The following MCF2L2 variants were observed in gnomAD, a reference collection of about 807,000 sequenced individuals.
MCF2L2 encodes MCF.2 cell line derived transforming sequence-like 2.
MCF2L2 carries 102 observed loss-of-function variants against 150.2 expected under a neutral mutation model. That is an observed-to-expected ratio of 0.68 (90% CI 0.58 to 0.80). MCF2L2 has a LOEUF of 0.80. Among genes scored for constraint, MCF2L2 ranks in the 30% least tolerant of loss-of-function variants. The pLI is 0.00. For synonymous variants in MCF2L2, 465 were observed against 491.3 expected, an observed-to-expected ratio of 0.95 and a Z score of 0.71; for missense variants, 1,256 against 1,372.8, an observed-to-expected ratio of 0.91 and a Z score of 1.34.
At chr3:183,321,943 G>A (rs1250344483) in intron 6 of MCF2L2, among the ~76,000 whole-genome samples, 1 of 152,262 alleles carries the variant, frequency 6.6e-6, no homozygotes, top group Non-Finnish European at 1.5e-5. Context: ...TTTGGTGTCT[G>A]GTGGAGGTCT....
At chr3:183,300,295 G>A in intron 10 of MCF2L2, 99 bp from the exon 11 acceptor site, 1 of 1,082,288 alleles carries the variant, frequency 9.2e-7, no homozygotes, top group Non-Finnish European at 1.3e-6. Flanking sequence ...GGGAGGCTGT[G>A]GAGATGCTAA....
At chr3:183,384,434 A>G (rs949539374) in intron 2 of MCF2L2, among the ~76,000 whole-genome samples, 4 of 152,216 alleles carry the variant, frequency 2.6e-5, no homozygotes, top group Non-Finnish European at 5.9e-5. Flanking sequence ...GACCCTCCCT[A>G]AACTGCTCCT....
intron 15 of MCF2L2, among the ~76,000 whole-genome samples, chr3:183,232,622 ATTTG>A (rs1052101882): frequency 2.0e-5 from 3 of 152,200 alleles, no homozygotes; most frequent in African/African-American, 4.8e-5. Flanking sequence ...CTAGAAAATG[ATTTG>A]TTTTTCTCTC....
chr3:183,418,268 C>G (rs920341028), intron 1 of MCF2L2, among the ~76,000 whole-genome samples: 31 of 152,070 alleles, frequency 2.0e-4, no homozygotes, highest in African/African-American at 7.5e-4. Context: ...GAGGAAACCA[C>G]CCCCATGATC....
chr3:183,312,320 C>A (rs1388426479), intron 7 of MCF2L2, among the ~76,000 whole-genome samples: 1 of 152,212 alleles, frequency 6.6e-6, no homozygotes, highest in African/African-American at 2.4e-5. Context: ...AAGATTCATA[C>A]TTCCAAGCCA....
chr3:183,231,456 C>A (rs886200284), intron 15 of MCF2L2, among the ~76,000 whole-genome samples: 1 of 147,036 alleles, frequency 6.8e-6, no homozygotes, highest in Non-Finnish European at 1.5e-5. Context: ...TCACATCAAG[C>A]TTTCTTTTCC....
intron 3 of MCF2L2, among the ~76,000 whole-genome samples, chr3:183,345,485 C>A (rs565738566): frequency 6.6e-6 from 1 of 152,156 alleles, no homozygotes; most frequent in East Asian, 1.9e-4. Flanking sequence ...CTAAAATCAA[C>A]ACCCTAACAT....
chr3:183,216,110 G>T lies in MCF2L2; in HGVS notation c.2371-16C>A, dbSNP rs1179470372. The stretch of plus-strand genomic sequence containing the variant: ...TTGGCCCATCCTGTGGAAAACAAAT[G>T]CCTTGTTGGAAATCAAAAGTATACC... On this transcript the variant is annotated splice_polypyrimidine_tract_variant and intron_variant, in intron 21 of 29. Coordinates refer to ENST00000328913, the MANE Select transcript of MCF2L2 (RefSeq NM_015078.4). 5 of 1,611,094 alleles carry T rather than the reference G, an allele frequency of 3.1e-6. No homozygotes were observed. Among genetic ancestry groups the T allele is most frequent in the African/African-American group, 2.7e-5 (2 of 74,708 alleles).
At chr3:183,408,625 G>A (rs1357171567) in intron 1 of MCF2L2, among the ~76,000 whole-genome samples, 1 of 152,104 alleles carries the variant, frequency 6.6e-6, no homozygotes, top group Non-Finnish European at 1.5e-5. Context: ...ACAGGCAGAA[G>A]GACCTCTTTC....
intron 3 of MCF2L2, chr3:183,372,694 AAAAG>A (rs199768315): frequency 2.6e-5 from 4 of 152,138 alleles, no homozygotes; most frequent in Non-Finnish European, 5.9e-5. Context: ...TCGGTCTCAA[AAAAG>A]AAAGAAAGAA....
Position 183,178,409 on chromosome 3 carries a change from A to C in MCF2L2, c.*971T>G, listed in dbSNP as rs1721387815. The C allele has an allele frequency of 6.6e-6, 1 of 152,102 alleles. No individual in the cohort carries two copies. 9.4% of individuals were successfully genotyped at this position (152,102 alleles called of 1,614,324 possible). On this transcript the variant is annotated 3_prime_UTR_variant, in exon 30 of 30. Coordinates refer to ENST00000328913, the MANE Select transcript of MCF2L2 (RefSeq NM_015078.4). ...GGCGTGAACCCGGGAGGCGGTTTGC[A>C]GTGAGCCGAGATCACACCACTGCAC...
chr3:183,286,541 C>CT (rs1241159298), intron 14 of MCF2L2, among the ~76,000 whole-genome samples: 27 of 152,124 alleles, frequency 1.8e-4, no homozygotes, highest in Admixed American at 1.2e-3. Flanking sequence ...GAATCTAAAC[C>CT]TTTTTTTTGA....
intron 11 of MCF2L2, chr3:183,298,481 GAAT>G (rs1327337771): frequency 6.6e-6 from 1 of 152,024 alleles, no homozygotes; most frequent in Admixed American, 6.6e-5. Context: ...ACCACATTTA[GAAT>G]AATAAAAAAT....
intron 10 of MCF2L2, among the ~76,000 whole-genome samples, chr3:183,300,772 T>C (rs928338588): frequency 5.3e-5 from 8 of 151,878 alleles, no homozygotes; most frequent in Non-Finnish European, 8.8e-5. Flanking sequence ...ATGCCAGCAC[T>C]TTGGGAGGCC....
chr3:183,420,496 G>T (rs2108632469), intron 1 of MCF2L2, among the ~76,000 whole-genome samples: 1 of 152,290 alleles, frequency 6.6e-6, no homozygotes. Flanking sequence ...TAATTGGGAG[G>T]CTGAGGCAGA....
intron 25 of MCF2L2, 105 bp from the exon 26 acceptor site, chr3:183,195,360 A>G: frequency 4.2e-6 from 3 of 722,662 alleles, no homozygotes; most frequent in Non-Finnish European, 7.1e-6. Context: ...AGAGAATACT[A>G]TAAAAATATA....
chr3:183,422,939 T>G (rs73061166), intron 1 of MCF2L2, among the ~76,000 whole-genome samples: 2,054 of 152,316 alleles, frequency 0.013, 50 homozygotes, highest in African/African-American at 0.047. Flanking sequence ...TGTTTCTTTT[T>G]AAATGTGACA....
chr3:183,200,260 T>C, intron 25 of MCF2L2, among the ~76,000 whole-genome samples: 1 of 152,230 alleles, frequency 6.6e-6, no homozygotes, highest in Non-Finnish European at 1.5e-5. Flanking sequence ...AAAGTGTTCC[T>C]ATTTCTCCAC....
At chr3:183,210,699 G>A (rs1722662515) in intron 22 of MCF2L2, among the ~76,000 whole-genome samples, 2 of 152,160 alleles carry the variant, frequency 1.3e-5, no homozygotes, top group African/African-American at 2.4e-5. Context: ...TGAAGATGGG[G>A]TGACGTGAGT....
Sources: allele counts gnomAD v4.1 joint callset (sites outside exome capture counted in the v4.1 genomes callset), GRCh38; gene constraint gnomAD v4.1.1; transcripts MANE v1.5; gene names NCBI Gene and HGNC (gene_info 2026-07-23, HGNC 2026-07-21).